LRRTM4: variants seen among roughly 807,000 people sequenced by gnomAD.
LRRTM4 encodes leucine-rich repeat transmembrane neuronal protein 4.
Under a neutral mutation model 47.6 loss-of-function variants are expected in LRRTM4, and 25 were observed. The observed-to-expected ratio is 0.53, with a 90% CI of 0.38 to 0.73. LRRTM4 has a LOEUF of 0.73. Ranked by LOEUF, LRRTM4 falls within the 30% of genes least tolerant of loss-of-function variation. The pLI is 0.00. For missense variants in LRRTM4, 638 were observed against 713.4 expected (o/e 0.89, Z 1.20); for synonymous variants, 311 against 269.5 (o/e 1.15, Z -1.51).
intron 3 of LRRTM4, among the ~76,000 whole-genome samples, chr2:77,127,361 T>C (rs887578331): frequency 1.3e-5 from 2 of 152,202 alleles, no homozygotes; most frequent in Non-Finnish European, 2.9e-5. Flanking sequence ...TAATTTAAAA[T>C]ACTCATTTAA....
At chr2:76,850,732 T>C (rs183504479) in intron 3 of LRRTM4, among the ~76,000 whole-genome samples, 39 of 152,270 alleles carry the variant, frequency 2.6e-4, no homozygotes, top group Admixed American at 2.4e-3. Flanking sequence ...TATTCACACA[T>C]GTGCTTCATA....
chr2:77,401,992 ATTAC>A lies in LRRTM4; in HGVS notation c.1551+116322_1551+116325del, dbSNP rs1241077268. Reference sequence around the variant, plus strand: ...ATGCTTTAGGATTGCTTATAAAGAGATTACTTAAACATTTTCTTTGTACATATAA... The same window carrying A: ...ATGCTTTAGGATTGCTTATAAAGAGATTAAACATTTTCTTTGTACATATAA... On this transcript the variant is annotated intron_variant, in intron 3 of 3. Coordinates refer to ENST00000409884, the MANE Select transcript of LRRTM4 (RefSeq NM_001134745.3). Among the ~76,000 whole-genome samples the A allele has an allele frequency of 5.3e-5, 8 of 152,018 alleles. No homozygotes were observed. The East Asian group carries it at 7.8e-4, about 15-fold the overall frequency.
intron 3 of LRRTM4, among the ~76,000 whole-genome samples, chr2:77,294,107 C>A (rs1415823429): frequency 6.6e-6 from 1 of 151,994 alleles, no homozygotes; most frequent in Non-Finnish European, 1.5e-5. Context: ...TTTTTCTTAT[C>A]TCTGGATTGT....
chr2:77,485,857 A>G (rs1677890585), intron 3 of LRRTM4, among the ~76,000 whole-genome samples: 1 of 151,930 alleles, frequency 6.6e-6, no homozygotes, highest in Non-Finnish European at 1.5e-5. Context: ...CAGCCTCCCA[A>G]GTAGCTGGGA....
At chr2:76,890,017 C>A (rs1673201245) in intron 3 of LRRTM4, among the ~76,000 whole-genome samples, 1 of 151,690 alleles carries the variant, frequency 6.6e-6, no homozygotes, top group Admixed American at 6.6e-5. Flanking sequence ...CATTCTATAA[C>A]TAGAAAAAAA....
rs573597444 is a variant in LRRTM4, at chr2:76,840,996, C to T, written c.1552-92080G>A. Among the ~76,000 whole-genome samples the T allele has an allele frequency of 1.6e-3, 243 of 151,216 alleles. 2 individuals carry two copies. Among genetic ancestry groups the T allele is most frequent in the African/African-American group, 5.7e-3 (233 of 40,846 alleles). On this transcript the variant is annotated intron_variant, in intron 3 of 3. Coordinates refer to ENST00000409884, the MANE Select transcript of LRRTM4 (RefSeq NM_001134745.3). The stretch of plus-strand genomic sequence containing the variant: ...CACACGTATGTTTATTGTGGCACTA[C>T]TCACAATAGCAAAGACTTGGAACCA...
chr2:76,768,195 A>G (rs1285621142), intron 3 of LRRTM4, among the ~76,000 whole-genome samples: 2 of 152,186 alleles, frequency 1.3e-5, no homozygotes, highest in Non-Finnish European at 2.9e-5. Context: ...GCTATTTGAA[A>G]GTAATAGCTT....
In LRRTM4 at chr2:77,397,886, C is replaced by A. The variant is rs890197787; in HGVS notation, c.1551+120432G>T. ...ATGGTTCCCATTAAAAATTACCAGG[C>A]TGGCATTACAGTTTACCCTTCATTA... On this transcript the variant is annotated intron_variant, in intron 3 of 3. Coordinates refer to ENST00000409884, the MANE Select transcript of LRRTM4 (RefSeq NM_001134745.3). Among the ~76,000 whole-genome samples, 7 of 151,816 alleles carry A rather than the reference C, an allele frequency of 4.6e-5. No individual in the cohort carries two copies. In the South Asian group the frequency reaches 1.4e-3, roughly 31 times the overall value.
rs548945059 is a variant in LRRTM4, at chr2:76,963,029, T to G, written c.1552-214113A>C. Among the ~76,000 whole-genome samples, 81 of 150,988 alleles carry G rather than the reference T, an allele frequency of 5.4e-4. No individual in the cohort carries two copies. In the South Asian group the frequency reaches 0.017, roughly 31 times the overall value. On this transcript the variant is annotated intron_variant, in intron 3 of 3. Transcript: ENST00000409884. ...GGTAGAACTCTGACAATATTCAAAG[T>G]GTATATTAAGATAAATTATGCATAA...
intron 3 of LRRTM4, among the ~76,000 whole-genome samples, chr2:76,915,194 G>A (rs553326188): frequency 6.6e-5 from 10 of 152,322 alleles, no homozygotes; most frequent in African/African-American, 1.7e-4. Flanking sequence ...CTTGATTGGA[G>A]TGAGAGTAGT....
rs139428529 is a variant in LRRTM4 at position 77,046,215 on chromosome 2, A to T, written c.1552-297299T>A. Among the ~76,000 whole-genome samples the T allele has an allele frequency of 4.7e-3, 721 of 152,104 alleles. 10 individuals carry two copies. The highest frequency in any genetic ancestry group is 0.017 in the African/African-American group (698 of 41,528). On this transcript the variant is annotated intron_variant, in intron 3 of 3. Transcript: ENST00000409884. The stretch of plus-strand genomic sequence containing the variant: ...TCCTATGTGTTTTACACTGCAATAG[A>T]ACCAGCTCTAGATGCCTAAAAGAAT...
intron 3 of LRRTM4, among the ~76,000 whole-genome samples, chr2:77,294,818 A>G (rs537607350): frequency 4.1e-4 from 63 of 152,300 alleles, no homozygotes; most frequent in Non-Finnish European, 8.1e-4. Context: ...TCGAAATGAC[A>G]CTGGAAAAGA....
rs549998333 is a variant in LRRTM4, at chr2:77,401,136, C to T, written c.1551+117182G>A. Among the ~76,000 whole-genome samples, 37 of 151,974 alleles carry T rather than the reference C, an allele frequency of 2.4e-4. 1 individual carries two copies. The highest frequency in any genetic ancestry group is 8.0e-4 in the African/African-American group (33 of 41,496). ...TGGTTGCATGGTCTAGAAGAGTTCT[C>T]AAAGTGTGGTTGCTGCCATCAGCAT... On this transcript the variant is annotated intron_variant, in intron 3 of 3. Coordinates refer to ENST00000409884, the MANE Select transcript of LRRTM4 (RefSeq NM_001134745.3).
intron 3 of LRRTM4, among the ~76,000 whole-genome samples, chr2:77,118,565 C>T (rs1364332229): frequency 6.6e-6 from 1 of 151,984 alleles, no homozygotes; most frequent in Non-Finnish European, 1.5e-5. Context: ...ATTTCTGAGA[C>T]TATTTTGCTA....
At chr2:77,392,836 C>T (rs1326830154) in intron 3 of LRRTM4, among the ~76,000 whole-genome samples, 1 of 151,952 alleles carries the variant, frequency 6.6e-6, no homozygotes, top group Non-Finnish European at 1.5e-5. Flanking sequence ...AATAACAGTA[C>T]ATTGTATTGA....
chr2:77,386,866 G>C (rs1005026491), intron 3 of LRRTM4, among the ~76,000 whole-genome samples: 3 of 151,980 alleles, frequency 2.0e-5, no homozygotes, highest in African/African-American at 7.3e-5. Context: ...CTGTTGGGTT[G>C]ATAGTGCAGC....
intron 3 of LRRTM4, among the ~76,000 whole-genome samples, chr2:77,417,783 A>G (rs290007): frequency 0.51 from 77,360 of 150,404 alleles, 20,469 homozygotes; most frequent in African/African-American, 0.59. Flanking sequence ...AGGGGGGAGG[A>G]ATAGCATTTT....
At chr2:77,070,400 C>T (rs1231631828) in intron 3 of LRRTM4, among the ~76,000 whole-genome samples, 2 of 151,714 alleles carry the variant, frequency 1.3e-5, no homozygotes, top group African/African-American at 4.8e-5. Flanking sequence ...TCATGGATGT[C>T]ACTCTCTCTA....
At chr2:77,477,973 G>T (rs1677503766) in intron 3 of LRRTM4, among the ~76,000 whole-genome samples, 1 of 146,504 alleles carries the variant, frequency 6.8e-6, no homozygotes, top group African/African-American at 2.5e-5. Context: ...GAAAGAAAAA[G>T]AAAAAAAGCC....
Sources: allele counts gnomAD v4.1 joint callset (sites outside exome capture counted in the v4.1 genomes callset), GRCh38; gene constraint gnomAD v4.1.1; transcripts MANE v1.5; gene names NCBI Gene and HGNC (gene_info 2026-07-23, HGNC 2026-07-21).